Variants in ACTR3C observed in about 807,000 individuals in gnomAD.
ACTR3C encodes actin-related protein 3C.
Under a neutral mutation model 26.3 loss-of-function variants are expected in ACTR3C, and 18 were observed. The ratio of observed to expected loss-of-function variants is 0.68; its 90% confidence interval spans 0.47 to 1.01. ACTR3C has a LOEUF of 1.01. Ranked by LOEUF, ACTR3C falls within the 50% of genes least tolerant of loss-of-function variation. ACTR3C has a pLI of 0.00. For missense variants in ACTR3C, 184 were observed against 250.7 expected (o/e 0.73, Z 1.80); for synonymous variants, 55 against 94.5 (o/e 0.58, Z 2.42).
At chr7:150,038,641 G>C in the ACTR3C span, among the ~76,000 whole-genome samples, 155 of 144,704 alleles carry the variant, frequency 1.1e-3, 19 homozygotes, top group Non-Finnish European at 1.8e-3. Context: ...CGGACCCGTC[G>C]GATCGTAAAT....
the ACTR3C span, among the ~76,000 whole-genome samples, chr7:149,941,244 C>A: frequency 8.5e-5 from 13 of 152,234 alleles, no homozygotes; most frequent in Admixed American, 5.9e-4. Flanking sequence ...ACACTCACTG[C>A]AATCATGATT....
At chr7:150,227,701 G>GTTTTTTTTTTTTTTTTT in the ACTR3C span, among the ~76,000 whole-genome samples, 1 of 94,244 alleles carries the variant, frequency 1.1e-5, no homozygotes, top group African/African-American at 4.0e-5. Context: ...TTTTTTTTTT[G>GTTTTTTTTTTTTTTTTT]TTTTTTTTTT....
the ACTR3C span, among the ~76,000 whole-genome samples, chr7:149,996,090 G>A: frequency 6.6e-6 from 1 of 152,188 alleles, no homozygotes; most frequent in Non-Finnish European, 1.5e-5. Context: ...AGGCTGGAAA[G>A]GCATGTTGGG....
At chr7:150,301,969 A>G (rs1214609888) in intron 1 of ACTR3C, among the ~76,000 whole-genome samples, 1 of 152,202 alleles carries the variant, frequency 6.6e-6, no homozygotes, top group African/African-American at 2.4e-5. Flanking sequence ...GAATGTGCCT[A>G]ATGCCACCAA....
intron 6 of ACTR3C, among the ~76,000 whole-genome samples, chr7:150,272,573 A>T (rs1243758503): frequency 7.2e-6 from 1 of 139,668 alleles, no homozygotes; most frequent in Non-Finnish European, 1.5e-5. Flanking sequence ...GAAATTACCA[A>T]TAAATGTATT....
chr7:150,076,110 A>G, the ACTR3C span, among the ~76,000 whole-genome samples: 1 of 151,630 alleles, frequency 6.6e-6, no homozygotes. Context: ...ATACCACACC[A>G]CCTTTCAAAG....
chr7:150,019,333 C>T, the ACTR3C span, among the ~76,000 whole-genome samples: 2 of 150,080 alleles, frequency 1.3e-5, no homozygotes, highest in South Asian at 4.2e-4. Flanking sequence ...GTAGCTCATG[C>T]CTGTAATCCC....
chr7:150,177,209 CTTATT>C, the ACTR3C span, among the ~76,000 whole-genome samples: 12 of 150,420 alleles, frequency 8.0e-5, no homozygotes, highest in East Asian at 1.9e-3. Flanking sequence ...TTGTAGTTAA[CTTATT>C]TTTAGTTCAT....
At chr7:150,299,482 A>C (rs867374323) in intron 1 of ACTR3C, among the ~76,000 whole-genome samples, 4,200 of 145,490 alleles carry the variant, frequency 0.029, 88 homozygotes, top group Middle Eastern at 0.074. Context: ...AAAAAAAAAA[A>C]AAAAAAAAAA....
chr7:150,212,697 A>T, the ACTR3C span, among the ~76,000 whole-genome samples: 2 of 152,360 alleles, frequency 1.3e-5, no homozygotes, highest in South Asian at 4.1e-4. Flanking sequence ...TGCCCTTGCT[A>T]ACAGTAAGTG....
the ACTR3C span, among the ~76,000 whole-genome samples, chr7:150,153,732 CA>C: frequency 9.3e-6 from 1 of 107,022 alleles, no homozygotes; most frequent in African/African-American, 4.1e-5. Context: ...GGTATATACC[CA>C]AAGGACTATA....
At chr7:150,277,930 G>A (rs972267435) in intron 6 of ACTR3C, among the ~76,000 whole-genome samples, 13 of 152,098 alleles carry the variant, frequency 8.5e-5, no homozygotes, top group Non-Finnish European at 1.9e-4. Context: ...AATTGTCAAC[G>A]CCCTCAGGAT....
downstream of ACTR3C, among the ~76,000 whole-genome samples, chr7:150,242,238 G>A (rs1832226711): frequency 6.6e-6 from 1 of 150,586 alleles, no homozygotes; most frequent in Non-Finnish European, 1.5e-5. Context: ...ATGTGAGGGT[G>A]GGGGAAGAAT....
the ACTR3C span, among the ~76,000 whole-genome samples, chr7:150,077,670 G>C: frequency 1.3e-5 from 2 of 152,184 alleles, no homozygotes; most frequent in Non-Finnish European, 2.9e-5. Flanking sequence ...AATTGGCTTT[G>C]TACTGATCCT....
At chr7:150,024,391 G>A in the ACTR3C span, among the ~76,000 whole-genome samples, 3 of 151,732 alleles carry the variant, frequency 2.0e-5, no homozygotes, top group African/African-American at 4.9e-5. Context: ...CAGGGACTGC[G>A]TGAGCGTGTG....
At chr7:150,101,512 A>C in the ACTR3C span, among the ~76,000 whole-genome samples, 2 of 151,706 alleles carry the variant, frequency 1.3e-5, 1 homozygote, top group Non-Finnish European at 2.9e-5. Flanking sequence ...CCCACATCAC[A>C]AAACAATACA....
the ACTR3C span, among the ~76,000 whole-genome samples, chr7:149,926,771 A>G: frequency 1.3e-5 from 2 of 152,160 alleles, no homozygotes; most frequent in Middle Eastern, 3.2e-3. Context: ...GGTCTGCGGA[A>G]CCCCTGAACA....
the ACTR3C span, among the ~76,000 whole-genome samples, chr7:149,910,433 A>G: frequency 6.6e-6 from 1 of 152,144 alleles, no homozygotes; most frequent in African/African-American, 2.4e-5. Context: ...ATCTGTTCCA[A>G]AAGCATTTGC....
chr7:150,019,599 A>AAAAAATAATAAT, the ACTR3C span, among the ~76,000 whole-genome samples: 2 of 109,816 alleles, frequency 1.8e-5, no homozygotes, highest in African/African-American at 6.8e-5. Context: ...TCAAAAATAA[A>AAAAAATAATAAT]AATAATAATA....
Sources: allele counts gnomAD v4.1 joint callset (sites outside exome capture counted in the v4.1 genomes callset), GRCh38; gene constraint gnomAD v4.1.1; transcripts MANE v1.5; gene names NCBI Gene and HGNC (gene_info 2026-07-23, HGNC 2026-07-21).